CRIM1: variants seen among roughly 807,000 people sequenced by gnomAD.
CRIM1 encodes cysteine-rich motor neuron 1 protein.
Under a neutral mutation model 116.4 loss-of-function variants are expected in CRIM1, and 32 were observed. The ratio of observed to expected loss-of-function variants is 0.27; its 90% confidence interval spans 0.21 to 0.37. The LOEUF (loss-of-function observed/expected upper bound fraction) is 0.37. CRIM1 is among the 10% of genes least tolerant of loss of function. The probability of loss-of-function intolerance (pLI) is 1.00; values close to 1 mark genes in which losing one functional copy is unlikely to be tolerated. For missense variants in CRIM1, 1,331 were observed against 1,354.8 expected (o/e 0.98, Z 0.28); for synonymous variants, 590 against 509.2 (o/e 1.16, Z -2.13).
intron 2 of CRIM1, among the ~76,000 whole-genome samples, chr2:36,426,610 G>C (rs1674467411): frequency 6.6e-6 from 1 of 152,134 alleles, no homozygotes; most frequent in Non-Finnish European, 1.5e-5. Context: ...TGGGCAGTAA[G>C]TCAGGGACAA....
rs1024890132 is a variant in CRIM1 at position 36,512,415 on chromosome 2, C to A, written c.1780+21C>A. On this transcript the variant is annotated intron_variant, in intron 10 of 16. Transcript: ENST00000280527. ...CAGAGGTAAGTGTGTACACATGGCC[C>A]TTCCCCCTCAAAGCAGCCAGGGGCA... 4 of 1,583,250 alleles carry A rather than the reference C, an allele frequency of 2.5e-6. No homozygotes were observed. The African/African-American group carries it at 4.0e-5, about 16-fold the overall frequency.
chr2:36,449,337 C>T (rs1676505806), intron 4 of CRIM1, among the ~76,000 whole-genome samples: 1 of 152,168 alleles, frequency 6.6e-6, no homozygotes, highest in African/African-American at 2.4e-5. Context: ...GCTGCACTGT[C>T]CCTTGTGGCC....
At position 36,513,698 on chromosome 2, in the gene CRIM1, C is replaced by A; in HGVS notation, c.1923C>A (p.Ile641=). The A allele has an allele frequency of 6.2e-7, 1 of 1,614,210 alleles. No homozygotes were observed. The highest frequency in any genetic ancestry group is 1.1e-5 in the South Asian group (1 of 91,074). Residue 641 remains isoleucine, a synonymous_variant, in exon 11 of 17, where the codon ATC becomes ATA. Coordinates refer to ENST00000280527, the MANE Select transcript of CRIM1 (RefSeq NM_016441.3). ...ATGGACGGGAAATGTGTGCCCTGATCACCTGCCCGGTGCCTGCCTGTGGCA... is the reference window on the plus strand; with the variant it reads ...ATGGACGGGAAATGTGTGCCCTGATAACCTGCCCGGTGCCTGCCTGTGGCA... ...CLNGREMCAL[I]TCPVPACGNP... is the part of the protein sequence containing the mutation.
chr2:36,532,812 T>A (rs532591646), intron 13 of CRIM1, among the ~76,000 whole-genome samples: 1 of 152,180 alleles, frequency 6.6e-6, no homozygotes, highest in African/African-American at 2.4e-5. Context: ...CCCTGACCCA[T>A]TGGGCAATGG....
intron 1 of CRIM1, among the ~76,000 whole-genome samples, chr2:36,374,408 T>C (rs1293594512): frequency 6.6e-6 from 1 of 152,124 alleles, no homozygotes; most frequent in Non-Finnish European, 1.5e-5. Flanking sequence ...GAAGAAACAA[T>C]TATCTAAAAT....
chr2:36,415,401 G>T (rs1673535736), intron 2 of CRIM1, among the ~76,000 whole-genome samples: 1 of 152,188 alleles, frequency 6.6e-6, no homozygotes, highest in Non-Finnish European at 1.5e-5. Flanking sequence ...CACCTTGGTA[G>T]CTCTTGGTTA....
At position 36,550,828 on chromosome 2, in the gene CRIM1, G is replaced by C. The variant is rs1045444760; in HGVS notation, c.*2127G>C. 6.6e-6 allele frequency: 1 copy of C among 152,394 alleles called. No individual in the cohort carries two copies. The highest frequency in any genetic ancestry group is 1.9e-4 in the East Asian group (1 of 5,170). 9.4% of individuals were successfully genotyped at this position (152,394 alleles called of 1,614,324 possible). A position where few individuals can be genotyped will look rare whatever the true frequency, so the allele number is the denominator to read the frequency against. ...TTATCAAAAAAAATTGTAGATGCTT[G>C]CTTTTTGTTTTTTCAATCATGGCCA... is the stretch of plus-strand genomic sequence containing the variant. On this transcript the variant is annotated 3_prime_UTR_variant, in exon 17 of 17. Coordinates refer to ENST00000280527, the MANE Select transcript of CRIM1 (RefSeq NM_016441.3).
intron 4 of CRIM1, among the ~76,000 whole-genome samples, chr2:36,456,700 C>G (rs757204170): frequency 1.3e-5 from 2 of 152,180 alleles, no homozygotes; most frequent in African/African-American, 4.8e-5. Context: ...GGATTTCTGC[C>G]AGATCCCAGC....
intron 7 of CRIM1, among the ~76,000 whole-genome samples, chr2:36,498,019 C>T (rs1572872152): frequency 6.6e-6 from 1 of 152,204 alleles, no homozygotes; most frequent in Non-Finnish European, 1.5e-5. Flanking sequence ...GCCAGTTACC[C>T]TCTCTGCACC....
chr2:36,411,658 TTC>T (rs1478008463), intron 2 of CRIM1, among the ~76,000 whole-genome samples: 3 of 92,922 alleles, frequency 3.2e-5, no homozygotes, highest in Admixed American at 1.3e-4. Flanking sequence ...TTTTATCTTA[TTC>T]TTTGTGTGTG....
At chr2:36,476,276 A>C (rs567991506) in intron 5 of CRIM1, among the ~76,000 whole-genome samples, 12 of 151,982 alleles carry the variant, frequency 7.9e-5, no homozygotes, top group African/African-American at 2.9e-4. Context: ...TGAGTAAACT[A>C]CCTAGGATTT....
At chr2:36,501,535 A>G (rs1425430910) in intron 8 of CRIM1, among the ~76,000 whole-genome samples, 2 of 152,068 alleles carry the variant, frequency 1.3e-5, no homozygotes, top group Non-Finnish European at 2.9e-5. Context: ...CCTGGGCAAC[A>G]TGGCAAAACC....
chr2:36,515,630 TCTCTCAGATTTTCTGTCTTCCATACA>T (rs1408624930), intron 11 of CRIM1, among the ~76,000 whole-genome samples: 1 of 152,224 alleles, frequency 6.6e-6, no homozygotes, highest in Non-Finnish European at 1.5e-5. Context: ...AATGATAGTG[TCTCTCAGATTTTCTGTCTTCCATACA>T]CTCTACATTT....
chr2:36,482,521 A>G (rs1470458172), intron 7 of CRIM1, among the ~76,000 whole-genome samples: 1 of 152,262 alleles, frequency 6.6e-6, no homozygotes, highest in Non-Finnish European at 1.5e-5. Flanking sequence ...GTCATTCAAT[A>G]TCATACTTAA....
At chr2:36,384,917 A>C (rs750686528) in intron 1 of CRIM1, among the ~76,000 whole-genome samples, 1 of 152,248 alleles carries the variant, frequency 6.6e-6, no homozygotes, top group African/African-American at 2.4e-5. Context: ...TTTGACATAC[A>C]TGCCAGACTT....
intron 2 of CRIM1, among the ~76,000 whole-genome samples, chr2:36,399,040 A>G (rs531215787): frequency 6.6e-6 from 1 of 152,316 alleles, no homozygotes; most frequent in South Asian, 2.1e-4. Context: ...GGACGAAAGA[A>G]GAAAATGTGG....
chr2:36,524,505 A>C (rs1031871428), intron 13 of CRIM1, among the ~76,000 whole-genome samples: 1 of 152,176 alleles, frequency 6.6e-6, no homozygotes, highest in Non-Finnish European at 1.5e-5. Flanking sequence ...GAAATAGTTC[A>C]CAAGTCAACC....
At chr2:36,483,745 AG>A (rs2125054975) in intron 7 of CRIM1, among the ~76,000 whole-genome samples, 1 of 152,312 alleles carries the variant, frequency 6.6e-6, no homozygotes, top group East Asian at 1.9e-4. Flanking sequence ...ATAATAAGTG[AG>A]GACAGTGAGG....
chr2:36,423,381 C>T (rs1168857605), intron 2 of CRIM1, among the ~76,000 whole-genome samples: 1 of 152,184 alleles, frequency 6.6e-6, no homozygotes, highest in Non-Finnish European at 1.5e-5. Flanking sequence ...GTTAATTACA[C>T]CTTGAGACAC....
Sources: gnomAD v4.1 joint callset for allele counts (sites outside exome capture counted in the v4.1 genomes callset) on GRCh38, gnomAD v4.1.1 for gene constraint, MANE v1.5 for transcripts, NCBI Gene and HGNC (gene_info 2026-07-23, HGNC 2026-07-21) for gene names.